NADSYN1: variants seen among roughly 807,000 people sequenced by gnomAD.
NADSYN1 encodes NAD synthetase 1, also known as glutamine-dependent NAD(+) synthetase.
A neutral mutation model predicts 99.3 loss-of-function variants in NADSYN1; 80 were observed. That is an observed-to-expected ratio of 0.81 (90% CI 0.67 to 0.97). The LOEUF is 0.97. Among genes scored for constraint, NADSYN1 ranks in the 50% least tolerant of loss-of-function variants. NADSYN1 has a pLI of 0.00. For synonymous variants in NADSYN1, 385 were observed against 372.1 expected (o/e 1.03, Z -0.40); for missense variants, 859 against 948.5 (o/e 0.91, Z 1.24).
intron 17 of NADSYN1, 62 bp from the exon 18 acceptor site, chr11:71,491,772 C>T (rs1182127367): frequency 2.0e-6 from 3 of 1,482,840 alleles, no homozygotes; most frequent in Non-Finnish European, 2.8e-6. Flanking sequence ...TGGGGATTCT[C>T]TCCCAGAGCT....
chr11:71,462,765 G>A (rs1157815252), intron 3 of NADSYN1, among the ~76,000 whole-genome samples: 2 of 152,114 alleles, frequency 1.3e-5, no homozygotes, highest in Non-Finnish European at 1.5e-5. Flanking sequence ...TCTGGCAGGC[G>A]CCTGTGCTTT....
intron 1 of NADSYN1, 113 bp from the exon 2 acceptor site, chr11:71,454,997 G>T: frequency 1.4e-6 from 1 of 706,788 alleles, no homozygotes; most frequent in Non-Finnish European, 2.3e-6. Flanking sequence ...GAGCATTTTT[G>T]TTTGTTGTTT....
At chr11:71,494,227 A>G (rs1299822791) in intron 18 of NADSYN1, among the ~76,000 whole-genome samples, 1 of 152,284 alleles carries the variant, frequency 6.6e-6, no homozygotes, top group African/African-American at 2.4e-5. Flanking sequence ...GAAGTGCCCT[A>G]TGCAGGTGTC....
At position 71,463,469 on chromosome 11, in the gene NADSYN1, G is replaced by A. The variant is rs1949564379; in HGVS notation, c.301G>A (p.Val101Met). Residue 101 changes from valine to methionine, a missense_variant, in exon 4 of 21, where the codon GTG becomes ATG. By Grantham distance (21) the Val-to-Met change is conservative. Coordinates refer to ENST00000319023, the MANE Select transcript of NADSYN1 (RefSeq NM_018161.5). ...CCGAAACGTCCGCTACAACTGCAGA[G>A]TGATATTCCTCAACAGGTAGGCCCC... The part of the protein sequence containing the change: ...MHRNVRYNCR[V>M]IFLNRKILLI... 2 of 1,614,094 alleles carry A rather than the reference G, an allele frequency of 1.2e-6. No homozygotes were observed. The highest frequency in any genetic ancestry group is 1.3e-5 in the African/African-American group (1 of 75,052).
At chr11:71,483,874 A>G (rs1467423014) in intron 14 of NADSYN1, among the ~76,000 whole-genome samples, 1 of 152,260 alleles carries the variant, frequency 6.6e-6, no homozygotes, top group Non-Finnish European at 1.5e-5. Context: ...GGAGTGGAGC[A>G]TGATCACATG....
At chr11:71,491,765 G>A in intron 17 of NADSYN1, 69 bp from the exon 18 acceptor site, 2 of 1,436,752 alleles carry the variant, frequency 1.4e-6, no homozygotes, top group Admixed American at 3.4e-5. Context: ...CTTAGTCTGG[G>A]GATTCTCTCC....
chr11:71,455,287 AC>A (rs1949505630), intron 2 of NADSYN1, 117 bp downstream of exon 2: 2 of 876,272 alleles, frequency 2.3e-6, no homozygotes. Context: ...GACACGCCAC[AC>A]CCACTGTTGG....
chr11:71,484,220 C>T, intron 14 of NADSYN1, 92 bp from the exon 15 acceptor site: 1 of 1,523,860 alleles, frequency 6.6e-7, no homozygotes. Flanking sequence ...TTACAATGGT[C>T]AGTTTTAGGT....
Position 71,485,476 on chromosome 11 carries a change from T to C in NADSYN1, c.1456-66T>C. ...TAATTTTCTTGTTTTCAAGAGTTTG[T>C]GGGTGTGCGTCTCCCCCGTGTTCCT... On this transcript the variant is annotated intron_variant, in intron 15 of 20. Transcript: ENST00000319023. The C allele has an allele frequency of 9.0e-6, 11 of 1,222,258 alleles. No individual in the cohort carries two copies. The South Asian group carries it at 1.4e-4, about 16-fold the overall frequency. The allele number at this position is 1,222,258 out of a possible 1,614,324, so 75.7% of individuals were successfully genotyped here.
rs1302818223 is a variant in NADSYN1, at chr11:71,477,346, T to C, written c.799-1049T>C. 4 of 1,289,614 alleles carry C rather than the reference T, an allele frequency of 3.1e-6. No individual in the cohort carries two copies. In the South Asian group the frequency reaches 4.9e-5, roughly 16 times the overall value. 79.9% of individuals were successfully genotyped at this position (1,289,614 alleles called of 1,614,324 possible). On this transcript the variant is annotated intron_variant, in intron 9 of 20. Coordinates refer to ENST00000319023, the MANE Select transcript of NADSYN1 (RefSeq NM_018161.5). Reference sequence around the variant, plus strand: ...GGACCGTGGCTTTCTGCATGGAAGCTTGGTGGCCAGGGTGCTGTCACTTTG... The same window carrying C: ...GGACCGTGGCTTTCTGCATGGAAGCCTGGTGGCCAGGGTGCTGTCACTTTG...
At chr11:71,473,756 T>G (rs1348460844) in intron 8 of NADSYN1, 70 bp downstream of exon 8, 1 of 1,111,360 alleles carries the variant, frequency 9.0e-7, no homozygotes, top group Non-Finnish European at 1.4e-6. Flanking sequence ...GCATCCTCAG[T>G]GCCCATCGCA....
chr11:71,486,288 TATCC>T (rs1016988523), intron 16 of NADSYN1, among the ~76,000 whole-genome samples: 1 of 152,056 alleles, frequency 6.6e-6, no homozygotes, highest in African/African-American at 2.4e-5. Context: ...TGCATCCATC[TATCC>T]ATCCATCAGT....
chr11:71,479,029 G>C (rs1949687629), intron 10 of NADSYN1: 1 of 158,982 alleles, frequency 6.3e-6, no homozygotes, highest in South Asian at 1.8e-4. Context: ...TCATGAGACA[G>C]TGATTTTTGC....
intron 9 of NADSYN1, chr11:71,477,009 C>G: frequency 9.4e-7 from 1 of 1,059,134 alleles, no homozygotes; most frequent in Non-Finnish European, 1.1e-6. Context: ...TCCTCAGGCT[C>G]GGGCCACTGC....
intron 2 of NADSYN1, 24 bp from the exon 3 acceptor site, chr11:71,458,404 C>T (rs773580950): frequency 7.0e-6 from 11 of 1,581,502 alleles, no homozygotes; most frequent in Non-Finnish European, 8.7e-6. Context: ...GTTTCTGGAG[C>T]TCACCTTCTC....
rs755647077 is a variant in NADSYN1, at chr11:71,478,478, T to C, written c.873+9T>C. 13 of 1,594,050 alleles carry C rather than the reference T, an allele frequency of 8.2e-6. No homozygotes were observed. Among genetic ancestry groups the C allele is most frequent in the Non-Finnish European group, 1.1e-5 (13 of 1,169,738 alleles). ...CATCTCGAAACCTGGCGGTGAGTGCTCCAGTAGACACCTGTGTGGGATGCT... is the reference window on the plus strand; with the variant it reads ...CATCTCGAAACCTGGCGGTGAGTGCCCCAGTAGACACCTGTGTGGGATGCT... On this transcript the variant is annotated intron_variant, in intron 10 of 20. Transcript: ENST00000319023.
chr11:71,476,445 C>T (rs1949666420), intron 9 of NADSYN1: 1 of 262,394 alleles, frequency 3.8e-6, no homozygotes, highest in Non-Finnish European at 7.5e-6. Flanking sequence ...TTCTGCACAG[C>T]ATAGGTGTGG....
At chr11:71,480,624 T>G in intron 10 of NADSYN1, 131 bp from the exon 11 acceptor site, 2 of 1,348,258 alleles carry the variant, frequency 1.5e-6, no homozygotes, top group South Asian at 2.6e-5. Flanking sequence ...CTCGTGGGAG[T>G]GAGGGTGGCC....
chr11:71,481,157 A>G (rs1949704378), intron 11 of NADSYN1, 199 bp from the exon 12 acceptor site: 1 of 670,950 alleles, frequency 1.5e-6, no homozygotes, highest in Non-Finnish European at 2.6e-6. Flanking sequence ...AATGAGGACG[A>G]TGATAATACC....
Sources: allele counts gnomAD v4.1 joint callset (sites outside exome capture counted in the v4.1 genomes callset), GRCh38; gene constraint gnomAD v4.1.1; transcripts MANE v1.5; gene names NCBI Gene and HGNC (gene_info 2026-07-23, HGNC 2026-07-21).